ZNF398: variants seen among roughly 807,000 people sequenced by gnomAD.
ZNF398 encodes the protein zinc finger protein 398.
A neutral mutation model predicts 41.9 loss-of-function variants in ZNF398; 18 were observed. The ratio of observed to expected loss-of-function variants is 0.43; its 90% CI spans 0.30 to 0.64. The LOEUF is 0.64. Among genes scored for constraint, ZNF398 ranks in the 30% least tolerant of loss-of-function variants. The pLI is 0.14. For missense variants in ZNF398, 669 were observed against 822.8 expected, an observed-to-expected ratio of 0.81 and a Z score of 2.29; for synonymous variants, 260 against 308.8, an observed-to-expected ratio of 0.84 and a Z score of 1.66.
intron 1 of ZNF398, among the ~76,000 whole-genome samples, chr7:149,148,897 A>G (rs1252902736): frequency 1.6e-5 from 1 of 61,136 alleles, no homozygotes; most frequent in Middle Eastern, 0.017. Flanking sequence ...TTTTTAGCTC[A>G]TCAGCTATCA....
chr7:149,149,053 C>G (rs2129520096), intron 1 of ZNF398, among the ~76,000 whole-genome samples: 1 of 151,628 alleles, frequency 6.6e-6, no homozygotes, highest in Admixed American at 6.6e-5. Flanking sequence ...CCTGTAGTCC[C>G]AGCTAGGCCG....
At chr7:149,155,918 G>C (rs1794967483) in intron 2 of ZNF398, among the ~76,000 whole-genome samples, 1 of 151,542 alleles carries the variant, frequency 6.6e-6, no homozygotes, top group South Asian at 2.1e-4. Flanking sequence ...AGTAGAGACG[G>C]GGTTTCACCA....
At chr7:149,142,613 G>T (rs1202993336), upstream of ZNF398, among the ~76,000 whole-genome samples, 1 of 152,234 alleles carries the variant, frequency 6.6e-6, no homozygotes, top group Non-Finnish European at 1.5e-5. Context: ...CTTGCAGTGA[G>T]CCAAGATCGC....
intron 5 of ZNF398, among the ~76,000 whole-genome samples, chr7:149,177,215 G>A (rs1423223410): frequency 1.3e-5 from 2 of 152,032 alleles, no homozygotes; most frequent in Admixed American, 6.6e-5. Flanking sequence ...ACTTATGCTA[G>A]GGACATACAT....
intron 1 of ZNF398, among the ~76,000 whole-genome samples, chr7:149,152,860 CT>C (rs752636514): frequency 0.016 from 2,164 of 137,966 alleles, 27 homozygotes; most frequent in African/African-American, 0.049. Flanking sequence ...TGCCCAGCCT[CT>C]TTTTTTTTTT....
At chr7:149,166,447 C>A (rs944002155) in intron 3 of ZNF398, among the ~76,000 whole-genome samples, 163 bp downstream of exon 3, 1 of 152,206 alleles carries the variant, frequency 6.6e-6, no homozygotes, top group Non-Finnish European at 1.5e-5. Flanking sequence ...AACTAGGAAT[C>A]ATAATCTCTC....
chr7:149,162,191 T>A (rs1795119014), intron 2 of ZNF398, among the ~76,000 whole-genome samples: 2 of 151,836 alleles, frequency 1.3e-5, no homozygotes, highest in African/African-American at 4.8e-5. Context: ...CTGGTTAATT[T>A]TTTTTTTTGA....
chr7:149,155,707 A>ATATATTTTT (rs1794954712), intron 2 of ZNF398, among the ~76,000 whole-genome samples: 1 of 73,540 alleles, frequency 1.4e-5, no homozygotes, highest in African/African-American at 6.8e-5. Context: ...ATATATATAT[A>ATATATTTTT]TTTTTTTTTT....
In ZNF398 at chr7:149,178,775, G is replaced by A. The variant is rs1324771488; in HGVS notation, c.903G>A (p.Gln301=). The A allele has an allele frequency of 1.2e-6, 2 of 1,614,064 alleles. No homozygotes were observed. The highest frequency in any genetic ancestry group is 1.1e-5 in the South Asian group (1 of 91,084). Residue 301 remains glutamine, a synonymous_variant, in exon 6 of 6, where the codon CAG becomes CAA. Transcript: ENST00000475153. ...TTTCAGATGTGGCTTTCAAAAGCCA[G>A]CAGTCTACATCCATGACACCTTTTG... ...DAFSDVAFKS[Q]QSTSMTPFGR... is the part of the protein sequence containing the mutation.
intron 1 of ZNF398, among the ~76,000 whole-genome samples, chr7:149,150,606 AAAAC>A (rs1827085951): frequency 6.6e-6 from 1 of 152,140 alleles, no homozygotes; most frequent in Non-Finnish European, 1.5e-5. Flanking sequence ...CAAAAAAACA[AAAAC>A]AAAACCCAAC....
At chr7:149,133,982 C>T (rs925332846) in intron 2 of ZNF398, among the ~76,000 whole-genome samples, 88 of 149,080 alleles carry the variant, frequency 5.9e-4, no homozygotes, top group African/African-American at 2.0e-3. Flanking sequence ...AACTCCTGAC[C>T]TCAGGTGATC....
intron 2 of ZNF398, among the ~76,000 whole-genome samples, chr7:149,161,641 T>C (rs1247670915): frequency 6.6e-6 from 1 of 152,082 alleles, no homozygotes; most frequent in Non-Finnish European, 1.5e-5. Flanking sequence ...CATACAAGCA[T>C]ACAAGGTGGC....
chr7:149,138,094 G>A (rs562970495), intron 2 of ZNF398, among the ~76,000 whole-genome samples: 4 of 151,726 alleles, frequency 2.6e-5, no homozygotes, highest in Non-Finnish European at 4.4e-5. Context: ...CCAGCTACTC[G>A]GGAGGCTGAG....
chr7:149,135,266 C>T (rs547836730), intron 2 of ZNF398, among the ~76,000 whole-genome samples: 1 of 151,016 alleles, frequency 6.6e-6, no homozygotes, highest in South Asian at 2.1e-4. Flanking sequence ...GGCAGGTGCC[C>T]GTAGTCCCAG....
intron 1 of ZNF398, 59 bp from the exon 2 acceptor site, chr7:149,153,886 T>G (rs1190021832): frequency 1.8e-5 from 28 of 1,542,574 alleles, no homozygotes; most frequent in Non-Finnish European, 2.4e-5. Flanking sequence ...TGATTTTAGT[T>G]TGGAGTTAGG....
rs1484738560 is a variant in ZNF398 at position 149,166,169 on chromosome 7, A to G, written c.432A>G (p.Ala144=). Reference sequence around the variant, plus strand: ...GATTGTAATTTTAGGTGCCTGTGGCATTTGATGATGTCTCCATCTACTTTT... The same window carrying G: ...GATTGTAATTTTAGGTGCCTGTGGCGTTTGATGATGTCTCCATCTACTTTT... The part of the protein sequence containing the change: ...IKGDIPKVPV[A]FDDVSIYFST... The change falls in exon 3 of 6, where the codon GCA becomes GCG. Residue 144 remains alanine, a synonymous_variant. Coordinates refer to ENST00000475153, the MANE Select transcript of ZNF398 (RefSeq NM_170686.3). 3 of 1,613,892 alleles carry G rather than the reference A, an allele frequency of 1.9e-6. No individual in the cohort carries two copies. The highest frequency in any genetic ancestry group is 2.5e-6 in the Non-Finnish European group (3 of 1,179,928).
intron 2 of ZNF398, among the ~76,000 whole-genome samples, chr7:149,141,363 T>G (rs1359322894): frequency 6.6e-6 from 1 of 151,516 alleles, no homozygotes; most frequent in Non-Finnish European, 1.5e-5. Flanking sequence ...TGGCACAATC[T>G]TGGCTCACTG....
rs1365809980 is a variant in ZNF398, at chr7:149,128,667, C to T, written c.-611-156C>T. Reference sequence around the variant, plus strand: ...GGCAGAGGTGGGAGGATTACTTGAGCCTGGGAGGCGAAGGTTGCAGTGAGC... The same window carrying T: ...GGCAGAGGTGGGAGGATTACTTGAGTCTGGGAGGCGAAGGTTGCAGTGAGC... On this transcript the variant is annotated intron_variant, in intron 1 of 6. Transcript: ENST00000426851. 4.7e-5 allele frequency among the ~76,000 whole-genome samples: 7 copies of T among 147,600 alleles called. No homozygotes were observed. The East Asian group carries it at 1.2e-3, about 26-fold the overall frequency.
At chr7:149,170,578 C>G (rs192424397) in intron 4 of ZNF398, among the ~76,000 whole-genome samples, 90 of 151,926 alleles carry the variant, frequency 5.9e-4, no homozygotes, top group African/African-American at 2.1e-3. Context: ...TACTAAAAAT[C>G]CAAAAAATTA....
Sources: gnomAD v4.1 joint callset for allele counts (sites outside exome capture counted in the v4.1 genomes callset) on GRCh38, gnomAD v4.1.1 for gene constraint, MANE v1.5 for transcripts, NCBI Gene and HGNC (gene_info 2026-07-23, HGNC 2026-07-21) for gene names.